Variants in CDH13 observed in about 807,000 individuals in gnomAD.
CDH13 encodes cadherin 13.
In CDH13, 24 loss-of-function variants were observed where a neutral mutation model predicts 63.8. The ratio of observed to expected loss-of-function variants is 0.38; its 90% CI spans 0.27 to 0.53. The LOEUF (loss-of-function observed/expected upper bound fraction) is 0.53. Ranked by LOEUF, CDH13 falls within the 20% of genes least tolerant of loss-of-function variation. The pLI is 0.85. For missense variants in CDH13, 1,049 were observed against 903.1 expected, an observed-to-expected ratio of 1.16 and a Z score of -2.07; for synonymous variants, 503 against 355.3, an observed-to-expected ratio of 1.42 and a Z score of -4.67.
rs1340590026 is a variant in CDH13, at chr16:83,217,370, G to A, written c.509G>A (p.Arg170Lys). The stretch of plus-strand genomic sequence containing the variant: ...GTAGTCGATAGTGACAGGCCAGAAA[G>A]GTCCAAGTTCCGGCTCACTGGAAAG... The part of the protein sequence containing the change: ...GKVVDSDRPE[R>K]SKFRLTGKGV... Residue 170 changes from arginine (R) to lysine (K), a missense_variant, in exon 5 of 14, where the codon AGG becomes AAG. Transcript: ENST00000567109. 2 of 1,613,940 alleles carry A rather than the reference G, an allele frequency of 1.2e-6. No individual in the cohort carries two copies. Among genetic ancestry groups the A allele is most frequent in the African/African-American group, 2.7e-5 (2 of 75,036 alleles).
At chr16:83,755,656 T>G (rs1054613660) in intron 11 of CDH13, among the ~76,000 whole-genome samples, 2 of 152,110 alleles carry the variant, frequency 1.3e-5, no homozygotes, top group African/African-American at 4.8e-5. Flanking sequence ...GGAATAACAT[T>G]TCTCTGAGCA....
chr16:82,977,753 A>T (rs190280258), intron 2 of CDH13, among the ~76,000 whole-genome samples: 2 of 152,326 alleles, frequency 1.3e-5, no homozygotes, highest in African/African-American at 4.8e-5. Context: ...AGATACCCAA[A>T]AATGTGGAAG....
chr16:83,785,615 G>A (rs928476334), intron 13 of CDH13, among the ~76,000 whole-genome samples: 13 of 152,180 alleles, frequency 8.5e-5, no homozygotes, highest in Non-Finnish European at 1.9e-4. Flanking sequence ...TTCCCTTCGT[G>A]AGGGTATGCT....
chr16:83,320,898 A>G (rs1341026037), intron 5 of CDH13, among the ~76,000 whole-genome samples: 1 of 152,228 alleles, frequency 6.6e-6, no homozygotes, highest in Non-Finnish European at 1.5e-5. Flanking sequence ...ACTGCTGTGG[A>G]ATAAACCTGA....
At chr16:83,579,728 G>A (rs1232100507) in intron 7 of CDH13, among the ~76,000 whole-genome samples, 1 of 152,054 alleles carries the variant, frequency 6.6e-6, no homozygotes, top group Non-Finnish European at 1.5e-5. Context: ...TGATGTGAAT[G>A]GAGTCACAGC....
intron 2 of CDH13, among the ~76,000 whole-genome samples, chr16:82,933,059 A>G (rs746565384): frequency 6.6e-6 from 1 of 152,154 alleles, no homozygotes; most frequent in Non-Finnish European, 1.5e-5. Context: ...AGGGGTTTGC[A>G]TGAATCTTTA....
At chr16:83,193,577 C>G (rs954419231) in intron 4 of CDH13, among the ~76,000 whole-genome samples, 38 of 152,318 alleles carry the variant, frequency 2.5e-4, no homozygotes, top group African/African-American at 8.2e-4. Flanking sequence ...GAGACCTTTT[C>G]CCACAATCTC....
intron 6 of CDH13, among the ~76,000 whole-genome samples, chr16:83,434,871 G>A (rs1045191086): frequency 1.4e-5 from 1 of 73,970 alleles, no homozygotes; most frequent in Non-Finnish European, 2.8e-5. Context: ...GTGTGTGTGT[G>A]TGTGTGTGTG....
intron 4 of CDH13, 120 bp downstream of exon 4, chr16:83,125,621 G>T: frequency 1.7e-6 from 1 of 573,184 alleles, no homozygotes; most frequent in Non-Finnish European, 3.1e-6. Context: ...TATGATAAGA[G>T]ACCAAATGGT....
intron 5 of CDH13, among the ~76,000 whole-genome samples, chr16:83,225,578 C>G (rs930340520): frequency 2.8e-4 from 42 of 151,440 alleles, no homozygotes; most frequent in Admixed American, 5.3e-4. Flanking sequence ...GGGAAATTAG[C>G]CTTGGGGTCG....
At chr16:83,688,006 A>T (rs1904483012) in intron 10 of CDH13, among the ~76,000 whole-genome samples, 1 of 152,154 alleles carries the variant, frequency 6.6e-6, no homozygotes, top group African/African-American at 2.4e-5. Flanking sequence ...TTTTAACTTT[A>T]CAGTAGAATT....
intron 1 of CDH13, among the ~76,000 whole-genome samples, chr16:82,806,117 G>T (rs1383427346): frequency 6.6e-6 from 1 of 152,136 alleles, no homozygotes; most frequent in Non-Finnish European, 1.5e-5. Context: ...GATTGAGTTT[G>T]CCAGCCTTCT....
chr16:83,198,816 A>G (rs190939556), intron 4 of CDH13, among the ~76,000 whole-genome samples: 23 of 152,320 alleles, frequency 1.5e-4, no homozygotes, highest in African/African-American at 5.3e-4. Flanking sequence ...AAATACTGGA[A>G]GGTAGAAGAG....
At chr16:82,867,436 T>C (rs1328698072) in intron 2 of CDH13, among the ~76,000 whole-genome samples, 1 of 152,164 alleles carries the variant, frequency 6.6e-6, no homozygotes, top group Non-Finnish European at 1.5e-5. Flanking sequence ...ATAGAAGAAT[T>C]AGCTTTTTCT....
At chr16:82,697,888 T>C (rs1308975077) in intron 1 of CDH13, among the ~76,000 whole-genome samples, 1 of 152,170 alleles carries the variant, frequency 6.6e-6, no homozygotes, top group Non-Finnish European at 1.5e-5. Context: ...TGTGGAACTA[T>C]ACTGTTTATT....
intron 8 of CDH13, among the ~76,000 whole-genome samples, chr16:83,658,815 C>A (rs1452614193): frequency 1.4e-5 from 2 of 144,286 alleles, no homozygotes; most frequent in East Asian, 4.5e-4. Flanking sequence ...CCCATATCCT[C>A]ACCAGCAAGG....
intron 7 of CDH13, among the ~76,000 whole-genome samples, chr16:83,601,908 C>T (rs1229754380): frequency 2.0e-5 from 3 of 151,810 alleles, no homozygotes; most frequent in African/African-American, 7.3e-5. Context: ...GCCTGACCAG[C>T]ATGGTGATAC....
intron 6 of CDH13, among the ~76,000 whole-genome samples, chr16:83,449,384 G>T (rs998615180): frequency 2.6e-5 from 4 of 152,142 alleles, no homozygotes; most frequent in African/African-American, 9.7e-5. Flanking sequence ...CTGGGCAAAG[G>T]AGAAACGGCT....
intron 6 of CDH13, among the ~76,000 whole-genome samples, chr16:83,417,432 C>G (rs1052649473): frequency 5.3e-5 from 8 of 152,148 alleles, no homozygotes; most frequent in African/African-American, 1.9e-4. Flanking sequence ...ACTAGTTGAA[C>G]TGTCCTCTTT....
Sources: gnomAD v4.1 joint callset for allele counts (sites outside exome capture counted in the v4.1 genomes callset) on GRCh38, gnomAD v4.1.1 for gene constraint, MANE v1.5 for transcripts, NCBI Gene and HGNC (gene_info 2026-07-23, HGNC 2026-07-21) for gene names.